The following PKD1L1 variants were observed in gnomAD, a reference collection of about 807,000 sequenced individuals.
The protein encoded by PKD1L1 is polycystin 1 like 1, transient receptor potential channel interacting.
A neutral mutation model predicts 323.4 loss-of-function variants in PKD1L1; 236 were observed. The observed-to-expected ratio is 0.73, with a 90% confidence interval of 0.66 to 0.81. The LOEUF is 0.81. PKD1L1 is among the 40% of genes least tolerant of loss of function. The pLI, the probability that PKD1L1 is intolerant of heterozygous loss-of-function variation, is 0.00. For missense variants in PKD1L1, 3,320 were observed against 3,508.0 expected (o/e 0.95, Z 1.35); for synonymous variants, 1,344 against 1,335.0 (o/e 1.01, Z -0.15).
intron 52 of PKD1L1, among the ~76,000 whole-genome samples, chr7:47,805,887 C>T (rs55652830): frequency 0.22 from 33,681 of 152,032 alleles, 3,954 homozygotes; most frequent in South Asian, 0.33. Context: ...TCAACATACA[C>T]GTGATTATAT....
intron 48 of PKD1L1, 41 bp from the exon 49 acceptor site, chr7:47,813,334 C>T (rs755671189): frequency 2.5e-6 from 4 of 1,605,340 alleles, no homozygotes; most frequent in Admixed American, 3.4e-5. Flanking sequence ...AGATACTATT[C>T]CCAAGGCTAC....
chr7:47,850,991 A>C (rs1476253526), intron 31 of PKD1L1, among the ~76,000 whole-genome samples: 1 of 152,190 alleles, frequency 6.6e-6, no homozygotes, highest in Non-Finnish European at 1.5e-5. Flanking sequence ...TTCTCACTGT[A>C]GGAGAATGGG....
At chr7:47,786,727 C>T (rs1786815497) in intron 56 of PKD1L1, among the ~76,000 whole-genome samples, 1 of 152,220 alleles carries the variant, frequency 6.6e-6, no homozygotes, top group African/African-American at 2.4e-5. Flanking sequence ...CTAGCCAGCT[C>T]CTGCAAAGTG....
chr7:47,857,811 C>G lies in PKD1L1; in HGVS notation c.4384G>C (p.Val1462Leu). The G allele has an allele frequency of 1.2e-6, 2 of 1,614,150 alleles. No homozygotes were observed. Among genetic ancestry groups the G allele is most frequent in the Non-Finnish European group, 8.5e-7 (1 of 1,180,020 alleles). The stretch of plus-strand genomic sequence containing the variant: ...CGGAACTCCATCTGCCCAGTGCTAA[C>G]ATGGTTCAAAGAGAGACAACCCTGA... Reference protein sequence around the residue: ...LLLGCLSLNHVSTGQMEFRTL... With the variant: ...LLLGCLSLNHLSTGQMEFRTL... The change falls in exon 28 of 57, where the codon GTT becomes CTT. Residue 1462 changes from valine (V) to leucine (L), a missense_variant. Physicochemically the swap from Val to Leu is conservative, Grantham distance 32. Coordinates refer to ENST00000289672, the MANE Select transcript of PKD1L1 (RefSeq NM_138295.5).
intron 13 of PKD1L1, among the ~76,000 whole-genome samples, chr7:47,901,144 A>G (rs896665332): frequency 6.6e-6 from 1 of 152,070 alleles, no homozygotes; most frequent in Non-Finnish European, 1.5e-5. Flanking sequence ...GTTAAAGACC[A>G]GCTAGCCTGG....
At chr7:47,859,610 T>C (rs546632806) in intron 26 of PKD1L1, among the ~76,000 whole-genome samples, 1 of 149,174 alleles carries the variant, frequency 6.7e-6, no homozygotes, top group African/African-American at 2.5e-5. Context: ...TCCCAAGTGC[T>C]GGGACTAAAG....
At chr7:47,875,785 A>G (rs1583639108) in intron 23 of PKD1L1, among the ~76,000 whole-genome samples, 1 of 152,206 alleles carries the variant, frequency 6.6e-6, no homozygotes, top group Non-Finnish European at 1.5e-5. Flanking sequence ...CAGATATGAC[A>G]TATTTCATTA....
At chr7:47,852,905 C>A (rs1481980487) in intron 31 of PKD1L1, among the ~76,000 whole-genome samples, 1 of 152,056 alleles carries the variant, frequency 6.6e-6, no homozygotes, top group Non-Finnish European at 1.5e-5. Context: ...ATGGGTAGGG[C>A]AGTGAGCAGC....
intron 2 of PKD1L1, among the ~76,000 whole-genome samples, chr7:47,943,159 AAAAAATATATAT>A (rs1226431023): frequency 0.13 from 9,270 of 71,230 alleles, 254 homozygotes; most frequent in Non-Finnish European, 0.15. Flanking sequence ...AAAAAAAAAA[AAAAAATATATAT>A]ATATATATAT....
At chr7:47,853,766 C>CAAAAAAAAAAAAAAAAAAAAAACAA (rs58842095) in intron 30 of PKD1L1, among the ~76,000 whole-genome samples, 1 of 108,190 alleles carries the variant, frequency 9.2e-6, no homozygotes, top group South Asian at 3.0e-4. Flanking sequence ...ACAAACAAAC[C>CAAAAAAAAAAAAAAAAAAAAAACAA]AAAAAAAAAA....
intron 24 of PKD1L1, among the ~76,000 whole-genome samples, chr7:47,870,365 A>T (rs1786256432): frequency 6.7e-6 from 1 of 148,432 alleles, no homozygotes; most frequent in African/African-American, 2.5e-5. Context: ...CTAGACTGAC[A>T]GACAAAAAAT....
chr7:47,922,103 G>A (rs546396822), intron 7 of PKD1L1, among the ~76,000 whole-genome samples: 28 of 152,354 alleles, frequency 1.8e-4, no homozygotes, highest in African/African-American at 6.5e-4. Flanking sequence ...TGGTGGAGAC[G>A]GGGTTTTGCC....
Position 47,835,032 on chromosome 7 carries a change from G to C in PKD1L1, c.6062C>G (p.Pro2021Arg). ...GTGTGGCTCCACTCGGGCAGACCCC[G>C]GGGCTTCCTGCAGAAGGAAAGAGGT... ...SLLFRLSKEA[P>R]GSARVEPHSP... The change falls in exon 39 of 57, where the codon CCG becomes CGG. Residue 2021 changes from proline to arginine, a missense_variant. Pro to Arg is a moderately radical substitution (Grantham distance 103). Transcript: ENST00000289672. The C allele has an allele frequency of 6.2e-7, 1 of 1,613,562 alleles. No homozygotes were observed. The highest frequency in any genetic ancestry group is 1.1e-5 in the South Asian group (1 of 90,992).
chr7:47,957,862 A>AAAATATATATATATATATATAT, the PKD1L1 span, among the ~76,000 whole-genome samples: 20 of 134,664 alleles, frequency 1.5e-4, no homozygotes, highest in Non-Finnish European at 2.4e-4. Context: ...ATTAAAAAAA[A>AAAATATATATATATATATATAT]ATATATATAT....
At chr7:47,914,002 CAT>C (rs1027130719) in intron 8 of PKD1L1, among the ~76,000 whole-genome samples, 6 of 151,512 alleles carry the variant, frequency 4.0e-5, no homozygotes, top group African/African-American at 1.5e-4. Flanking sequence ...AAGGTGAAAG[CAT>C]ATATGAGAAA....
In PKD1L1 at chr7:47,788,579, T is replaced by TATATATA. The variant is rs200657195; in HGVS notation, c.8526+4047_8526+4048insTATATAT. On this transcript the variant is annotated intron_variant, in intron 56 of 56. Coordinates refer to ENST00000289672, the MANE Select transcript of PKD1L1 (RefSeq NM_138295.5). ...AGCCCAGTTATATATATATATATAT[T>TATATATA]TTTTTTTTTTAATTTTAATTTTAAT... Among the ~76,000 whole-genome samples, 676 of 70,600 alleles carry TATATATA rather than the reference T, an allele frequency of 9.6e-3. 4 individuals carry two copies. The highest frequency in any genetic ancestry group is 0.041 in the South Asian group (86 of 2,096). 46.3% of individuals were successfully genotyped at this position (70,600 alleles called of 152,430 possible).
At position 47,834,945 on chromosome 7, in the gene PKD1L1, G is replaced by A. The variant is rs1183042900; in HGVS notation, c.6127+22C>T. Reference sequence around the variant, plus strand: ...AGGCTCAGCCCCACGGAGAGTTTCTGAGAGTTTTAATGTACATTTACCATG... The same window carrying A: ...AGGCTCAGCCCCACGGAGAGTTTCTAAGAGTTTTAATGTACATTTACCATG... On this transcript the variant is annotated intron_variant, in intron 39 of 56. Transcript: ENST00000289672. The A allele has an allele frequency of 4.4e-6, 7 of 1,606,808 alleles. No homozygotes were observed. The South Asian group carries it at 7.7e-5, about 18-fold the overall frequency.
intron 46 of PKD1L1, among the ~76,000 whole-genome samples, chr7:47,816,451 C>A (rs1454072472): frequency 3.3e-5 from 5 of 152,110 alleles, no homozygotes; most frequent in African/African-American, 1.2e-4. Flanking sequence ...TGAGCTACAG[C>A]CAGAGGCAAA....
rs544017506 is a variant in PKD1L1, at chr7:47,879,297, T to C, written c.3520+1431A>G. Among the ~76,000 whole-genome samples the C allele has an allele frequency of 2.4e-4, 37 of 152,278 alleles. No homozygotes were observed. In the East Asian group the frequency reaches 2.5e-3, roughly 10 times the overall value. On this transcript the variant is annotated intron_variant, in intron 21 of 56. Transcript: ENST00000289672. ...CAAATTCCTGATAGGTTTTAATTAA[T>C]GCAAAACTGTGGATGTTGAACCAAA...
Sources: allele counts gnomAD v4.1 joint callset (sites outside exome capture counted in the v4.1 genomes callset), GRCh38; gene constraint gnomAD v4.1.1; transcripts MANE v1.5; gene names NCBI Gene and HGNC (gene_info 2026-07-23, HGNC 2026-07-21).